Variants in SPOUT1 observed in about 807,000 individuals in gnomAD.
SPOUT1 encodes SPOUT domain containing methyltransferase 1, also known as 28S rRNA (uridine-N(3))-methyltransferase.
Under a neutral mutation model 54.8 loss-of-function variants are expected in SPOUT1, and 40 were observed. That is an observed-to-expected ratio of 0.73 (90% CI 0.57 to 0.95). The LOEUF is 0.95. Among genes scored for constraint, SPOUT1 ranks in the 40% least tolerant of loss-of-function variants. The probability of loss-of-function intolerance (pLI) is 0.00; values close to 1 mark genes in which losing one functional copy is unlikely to be tolerated. For synonymous variants in SPOUT1, 193 were observed against 200.3 expected, an observed-to-expected ratio of 0.96 and a Z score of 0.31; for missense variants, 437 against 499.5, an observed-to-expected ratio of 0.87 and a Z score of 1.19.
chr9:128,823,618 G>C, intron 11 of SPOUT1, 129 bp downstream of exon 11: 1 of 767,220 alleles, frequency 1.3e-6, no homozygotes, highest in Non-Finnish European at 2.1e-6. Context: ...AGGCCAAGGG[G>C]GATGAGAGGA....
chr9:128,823,561 C>T (rs1306647631), intron 11 of SPOUT1, among the ~76,000 whole-genome samples, 186 bp downstream of exon 11: 2 of 152,138 alleles, frequency 1.3e-5, no homozygotes, highest in African/African-American at 4.8e-5. Flanking sequence ...GGCACTAGCA[C>T]CCATGGTTGA....
chr9:128,820,851 A>G lies in SPOUT1; in HGVS notation c.*1914T>C, dbSNP rs41275918. On this transcript the variant is annotated 3_prime_UTR_variant, in exon 12 of 12. Transcript: ENST00000361256. Reference sequence around the variant, plus strand: ...ACAGGGCCACTCTTCCTGCCCAGGTAAGGTGGAAACCAGGGGGGCGGCAGA... The same window carrying G: ...ACAGGGCCACTCTTCCTGCCCAGGTGAGGTGGAAACCAGGGGGGCGGCAGA... 1.3e-3 allele frequency: 2,092 copies of G among 1,605,040 alleles called. 5 individuals are homozygous for G. Among genetic ancestry groups the G allele is most frequent in the Non-Finnish European group, 1.5e-3 (1,797 of 1,175,252 alleles).
At chr9:128,828,893 G>A (rs753106417) in intron 2 of SPOUT1, 33 bp from the exon 3 acceptor site, 22 of 1,613,548 alleles carry the variant, frequency 1.4e-5, no homozygotes, top group Non-Finnish European at 1.6e-5. Context: ...TGGCCAAGGA[G>A]ACAGTTCCCA....
rs767328963 is a variant in SPOUT1, at chr9:128,822,569, C to T, written c.*196G>A. 2.4e-5 allele frequency: 38 copies of T among 1,565,928 alleles called. No individual in the cohort carries two copies. Among genetic ancestry groups the T allele is most frequent in the South Asian group, 5.9e-5 (5 of 85,104 alleles). On this transcript the variant is annotated 3_prime_UTR_variant, in exon 12 of 12. Coordinates refer to ENST00000361256, the MANE Select transcript of SPOUT1 (RefSeq NM_016390.4). The stretch of plus-strand genomic sequence containing the variant: ...GCTCTTTGTGCCAAACATCCTGGCG[C>T]GGGCAGGCAGCCTCAAGGCCATCAC...
chr9:128,827,570 C>T (rs180996609), intron 3 of SPOUT1, among the ~76,000 whole-genome samples: 23 of 152,382 alleles, frequency 1.5e-4, no homozygotes, highest in Admixed American at 3.9e-4. Context: ...AGTGAGGATA[C>T]TGCCATTATC....
intron 7 of SPOUT1, 169 bp downstream of exon 7, chr9:128,825,853 C>G: frequency 1.3e-6 from 1 of 747,962 alleles, no homozygotes; most frequent in East Asian, 2.6e-5. Context: ...ACAGTAAATT[C>G]ATTCCTGGCT....
intron 3 of SPOUT1, 88 bp downstream of exon 3, chr9:128,828,647 G>A: frequency 7.0e-7 from 1 of 1,435,520 alleles, no homozygotes; most frequent in South Asian, 1.2e-5. Flanking sequence ...GGTCTGTAAA[G>A]GCCCTTTCAG....
rs566134212 is a variant in SPOUT1 at position 128,827,271 on chromosome 9, G to A, written c.209-80C>T. The A allele has an allele frequency of 1.8e-4, 245 of 1,353,414 alleles. No individual in the cohort carries two copies. The East Asian group carries it at 4.8e-3, about 27-fold the overall frequency. The allele number at this position is 1,353,414 out of a possible 1,614,324, so 83.8% of individuals were successfully genotyped here. The stretch of plus-strand genomic sequence containing the variant: ...TTCTCTCCCTTCCTCTGTCCCTAGC[G>A]CCCATGGTTTGAGAATTTCCCAAGT... On this transcript the variant is annotated intron_variant, in intron 3 of 11. Coordinates refer to ENST00000361256, the MANE Select transcript of SPOUT1 (RefSeq NM_016390.4).
chr9:128,829,256 G>T, intron 1 of SPOUT1, 101 bp from the exon 2 acceptor site: 1 of 1,040,228 alleles, frequency 9.6e-7, no homozygotes, highest in Non-Finnish European at 1.5e-6. Flanking sequence ...ACACGGGGCG[G>T]CAAGGAAGCC....
chr9:128,826,032 C>T lies in SPOUT1; in HGVS notation c.629G>A (p.Gly210Asp). The T allele has an allele frequency of 5.6e-6, 9 of 1,614,148 alleles. No individual in the cohort carries two copies. The highest frequency in any genetic ancestry group is 7.6e-6 in the Non-Finnish European group (9 of 1,180,038). ...TCTTTCTGTTCCTACCTTTTTCATG[C>T]CACAGTTGACAAAGGAGCCGTGGCC... Reference protein sequence around the residue: ...RPGHGSFVNCGMKKEVKIDKN... With the variant: ...RPGHGSFVNCDMKKEVKIDKN... The change falls in exon 7 of 12, where the codon GGC becomes GAC. Residue 210 changes from glycine to aspartate, a missense_variant. By Grantham distance (94) the Gly-to-Asp change is moderately conservative. Coordinates refer to ENST00000361256, the MANE Select transcript of SPOUT1 (RefSeq NM_016390.4). The surrounding 1 kb of genome is among the most constrained non-coding windows in gnomAD (Gnocchi z 5.5).
intron 1 of SPOUT1, 59 bp downstream of exon 1, chr9:128,829,686 C>T (rs1275322665): frequency 7.4e-7 from 1 of 1,350,744 alleles, no homozygotes; most frequent in Non-Finnish European, 1.0e-6. Context: ...GCCCCCACGC[C>T]ACTGGTTCTC....
chr9:128,822,577 C>T lies in SPOUT1; in HGVS notation c.*188G>A. 1 of 1,568,628 alleles carries T rather than the reference C, an allele frequency of 6.4e-7. No individual in the cohort carries two copies. ...TGCCAAACATCCTGGCGCGGGCAGG[C>T]AGCCTCAAGGCCATCACGGCGGGCA... On this transcript the variant is annotated 3_prime_UTR_variant, in exon 12 of 12. Coordinates refer to ENST00000361256, the MANE Select transcript of SPOUT1 (RefSeq NM_016390.4).
chr9:128,827,907 C>A (rs560402969), intron 3 of SPOUT1, among the ~76,000 whole-genome samples: 3 of 152,194 alleles, frequency 2.0e-5, no homozygotes, highest in Non-Finnish European at 4.4e-5. Context: ...GGCAACAGAG[C>A]GAGACTGTGT....
chr9:128,821,639 G>GC lies in SPOUT1; in HGVS notation c.*1125dup. The stretch of plus-strand genomic sequence containing the variant: ...TTTTTCTGGCCTGCAGAGGGCTGGG[G>GC]CTGAGAGGCAACAGGTCCAGGCTGA... On this transcript the variant is annotated 3_prime_UTR_variant, in exon 12 of 12. Transcript: ENST00000361256. 6.4e-6 allele frequency: 1 copy of GC among 155,386 alleles called. No homozygotes were observed. Among genetic ancestry groups the GC allele is most frequent in the Non-Finnish European group, 1.4e-5 (1 of 70,306 alleles). The allele number at this position is 155,386 out of a possible 1,614,324, so 9.6% of individuals were successfully genotyped here. A position where few individuals can be genotyped will look rare whatever the true frequency, so the allele number is the denominator to read the frequency against.
At chr9:128,827,701 T>A (rs1388461816) in intron 3 of SPOUT1, among the ~76,000 whole-genome samples, 1 of 152,192 alleles carries the variant, frequency 6.6e-6, no homozygotes, top group East Asian at 1.9e-4. Flanking sequence ...GCGGATCACC[T>A]GAGTGAGGTC....
chr9:128,824,353 T>G (rs2977992), intron 9 of SPOUT1, among the ~76,000 whole-genome samples, 179 bp from the exon 10 acceptor site: 1 of 150,990 alleles, frequency 6.6e-6, no homozygotes, highest in Non-Finnish European at 1.5e-5. Flanking sequence ...TGTGTGTGCA[T>G]TGAGGCAGGG....
In SPOUT1 at chr9:128,826,205, C is replaced by T. The variant is rs1830237550; in HGVS notation, c.509-53G>A. 33 of 1,573,326 alleles carry T rather than the reference C, an allele frequency of 2.1e-5. No homozygotes were observed. Among genetic ancestry groups the T allele is most frequent in the Non-Finnish European group, 2.8e-5 (32 of 1,158,602 alleles). On this transcript the variant is annotated intron_variant, in intron 6 of 11. Coordinates refer to ENST00000361256, the MANE Select transcript of SPOUT1 (RefSeq NM_016390.4). This position sits in a 1 kb window ranked among gnomAD's most constrained non-coding sequence, Gnocchi z 5.5. ...GGGAAGTGCTAGGGCACACAGGGTG[C>T]AGTGGGGACCCTGGAGCGGAGTACC...
intron 9 of SPOUT1, among the ~76,000 whole-genome samples, chr9:128,824,438 C>T (rs1830198115): frequency 6.6e-6 from 1 of 152,078 alleles, no homozygotes; most frequent in African/African-American, 2.4e-5. Context: ...GACACCAAGC[C>T]TGTGCTTGGC....
In SPOUT1 at chr9:128,824,884, G is replaced by C. The variant is rs373597670; in HGVS notation, c.713-15C>G. The C allele has an allele frequency of 4.1e-5, 66 of 1,608,956 alleles. No individual in the cohort carries two copies. The African/African-American group carries it at 6.7e-4, about 16-fold the overall frequency. ...GGTCTTGCAGTCTGGAGGGGTAACAGAGTCTGTAAAGATGGGGTGAGGGAA... is the reference window on the plus strand; with the variant it reads ...GGTCTTGCAGTCTGGAGGGGTAACACAGTCTGTAAAGATGGGGTGAGGGAA... On this transcript the variant is annotated splice_polypyrimidine_tract_variant and intron_variant, in intron 8 of 11. Coordinates refer to ENST00000361256, the MANE Select transcript of SPOUT1 (RefSeq NM_016390.4).
Sources: gnomAD v4.1 joint callset for allele counts (sites outside exome capture counted in the v4.1 genomes callset) on GRCh38, gnomAD v4.1.1 for gene constraint, Gnocchi (gnomAD v3.1) non-coding constraint, MANE v1.5 for transcripts, NCBI Gene and HGNC (gene_info 2026-07-23, HGNC 2026-07-21) for gene names.